PRUNE2: variants seen among roughly 807,000 people sequenced by gnomAD.
The protein encoded by PRUNE2 is protein prune homolog 2.
Under a neutral mutation model 252.0 loss-of-function variants are expected in PRUNE2, and 164 were observed. That is an observed-to-expected ratio of 0.65 (90% CI 0.57 to 0.74). The LOEUF (loss-of-function observed/expected upper bound fraction) is 0.74, where lower values mean the gene tolerates loss of function less well. Ranked by LOEUF, PRUNE2 falls within the 30% of genes least tolerant of loss-of-function variation. The pLI, the probability that PRUNE2 is intolerant of heterozygous loss-of-function variation, is 0.00. For missense variants in PRUNE2, 3,495 were observed against 3,711.0 expected, an observed-to-expected ratio of 0.94 and a Z score of 1.51; for synonymous variants, 1,292 against 1,350.2, an observed-to-expected ratio of 0.96 and a Z score of 0.94.
chr9:76,823,745 A>G lies in PRUNE2; in HGVS notation c.662-19T>C, dbSNP rs1263898472. On this transcript the variant is annotated intron_variant, in intron 5 of 18. Coordinates refer to ENST00000376718, the MANE Select transcript of PRUNE2 (RefSeq NM_015225.3). ...CTTAAACCTGTGGATGACAGGAAAAAAAAACATTATGTTATACTTGAGGGA... is the reference window on the plus strand; with the variant it reads ...CTTAAACCTGTGGATGACAGGAAAAGAAAACATTATGTTATACTTGAGGGA... 2 of 1,467,694 alleles carry G rather than the reference A, an allele frequency of 1.4e-6. No homozygotes were observed. The highest frequency in any genetic ancestry group is 1.9e-6 in the Non-Finnish European group (2 of 1,055,208). 90.9% of individuals were successfully genotyped at this position (1,467,694 alleles called of 1,614,324 possible).
At position 76,629,237 on chromosome 9, in the gene PRUNE2, C is replaced by T. The variant is rs764394022; in HGVS notation, c.9104G>A (p.Gly3035Glu). 1.1e-5 allele frequency: 18 copies of T among 1,606,478 alleles called. No homozygotes were observed. Among genetic ancestry groups the T allele is most frequent in the Admixed American group, 8.4e-5 (5 of 59,578 alleles). ...KYVNSLSELS[G>E]LIPMDCIHIP... ...GTGGATGCAATCCATTGGGATCAGC[C>T]CACTGAGTTCTGATAAGCTATTGAC... Residue 3035 changes from glycine (G) to glutamate (E), a missense_variant, in exon 16 of 19, where the codon GGG (glycine) becomes GAG (glutamate). By Grantham distance (98) the Gly-to-Glu change is moderately conservative. Transcript: ENST00000376718.
chr9:76,875,434 C>T (rs1296040855), intron 1 of PRUNE2, among the ~76,000 whole-genome samples: 3 of 152,138 alleles, frequency 2.0e-5, no homozygotes, highest in East Asian at 1.9e-4. Flanking sequence ...GGCATGATCT[C>T]GGCTCACTGC....
intron 6 of PRUNE2, among the ~76,000 whole-genome samples, chr9:76,750,864 T>C (rs1454456360): frequency 6.6e-6 from 1 of 152,144 alleles, no homozygotes; most frequent in Admixed American, 6.5e-5. Flanking sequence ...ACAAATATAA[T>C]TGGGAAGTTG....
intron 9 of PRUNE2, among the ~76,000 whole-genome samples, chr9:76,695,098 C>T (rs2045256854): frequency 2.0e-5 from 3 of 152,136 alleles, no homozygotes; most frequent in South Asian, 2.1e-4. Flanking sequence ...TGCAGTGGTA[C>T]AATCTCAGCC....
intron 1 of PRUNE2, among the ~76,000 whole-genome samples, chr9:76,883,195 A>T (rs2061891646): frequency 7.2e-5 from 11 of 152,204 alleles, no homozygotes; most frequent in Admixed American, 7.2e-4. Flanking sequence ...TTTCACAAAA[A>T]CTACATTGTC....
intron 6 of PRUNE2, among the ~76,000 whole-genome samples, chr9:76,753,996 A>T (rs1402824547): frequency 3.3e-5 from 5 of 152,088 alleles, no homozygotes; most frequent in Non-Finnish European, 7.3e-5. Flanking sequence ...GTGACTAGAC[A>T]TGGTTCAGAT....
chr9:76,905,490 C>T (rs909515125), intron 1 of PRUNE2, among the ~76,000 whole-genome samples: 3 of 152,188 alleles, frequency 2.0e-5, no homozygotes, highest in African/African-American at 7.2e-5. Context: ...TACCCAGCAC[C>T]CTGACTTCCT....
intron 16 of PRUNE2, among the ~76,000 whole-genome samples, chr9:76,627,483 C>T (rs997188338): frequency 6.6e-6 from 1 of 152,092 alleles, no homozygotes; most frequent in African/African-American, 2.4e-5. Context: ...GGCAGCAGCC[C>T]AGAGCTATGA....
intron 9 of PRUNE2, among the ~76,000 whole-genome samples, chr9:76,670,957 A>G (rs1416891368): frequency 1.3e-5 from 2 of 152,160 alleles, no homozygotes; most frequent in Non-Finnish European, 1.5e-5. Context: ...TGGGGAAAAA[A>G]CAGAACAGAA....
chr9:76,904,448 T>C (rs1048527179), intron 1 of PRUNE2, among the ~76,000 whole-genome samples: 1 of 152,210 alleles, frequency 6.6e-6, no homozygotes, highest in Non-Finnish European at 1.5e-5. Context: ...GAAAAACAGA[T>C]ACAGCCCAGA....
intron 6 of PRUNE2, among the ~76,000 whole-genome samples, chr9:76,773,724 G>A (rs1289989693): frequency 1.3e-5 from 2 of 152,166 alleles, no homozygotes; most frequent in South Asian, 2.1e-4. Context: ...GATTACAGGC[G>A]TGAGCCACCG....
chr9:76,761,104 A>G (rs576003377), intron 6 of PRUNE2, among the ~76,000 whole-genome samples: 12,805 of 149,188 alleles, frequency 0.086, 821 homozygotes, highest in East Asian at 0.38. Context: ...AAAAAAAAAA[A>G]TACTCAACAG....
At chr9:76,738,756 C>T (rs1448983675) in intron 6 of PRUNE2, 3 of 152,212 alleles carry the variant, frequency 2.0e-5, no homozygotes, top group Non-Finnish European at 4.4e-5. Flanking sequence ...GACATCATGG[C>T]TTTCATCATC....
chr9:76,774,454 T>TTTTATTTATTTATTTATTTA lies in PRUNE2; in HGVS notation c.756+49177_756+49178insTAAATAAATAAATAAATAAA, dbSNP rs1284882050. On this transcript the variant is annotated intron_variant, in intron 6 of 18. Transcript: ENST00000376718. ...TTCCTGGCCTCCAGTTCAACCCTTTTTTTTTTTTTTTTTTTTTTTTTTTGA... is the reference window on the plus strand; with the variant it reads ...TTCCTGGCCTCCAGTTCAACCCTTTTTTTATTTATTTATTTATTTATTTTTTTTTTTTTTTTTTTTTTTGA... Among the ~76,000 whole-genome samples the TTTTATTTATTTATTTATTTA allele has an allele frequency of 1.9e-3, 105 of 54,518 alleles. 1 individual carries two copies. Among genetic ancestry groups the TTTTATTTATTTATTTATTTA allele is most frequent in the African/African-American group, 0.011 (61 of 5,606 alleles). 35.8% of individuals were successfully genotyped at this position (54,518 alleles called of 152,430 possible).
At chr9:76,788,568 G>A (rs1165547802) in intron 6 of PRUNE2, 1 of 714,866 alleles carries the variant, frequency 1.4e-6, no homozygotes, top group Non-Finnish European at 2.6e-6. Context: ...CAATGACAGT[G>A]TGTGGCAAGT....
intron 6 of PRUNE2, chr9:76,740,063 C>CG (rs2049455369): frequency 7.4e-6 from 1 of 134,356 alleles, no homozygotes; most frequent in African/African-American, 2.7e-5. Flanking sequence ...TACTCTGTTT[C>CG]AAAAAAAAAA....
chr9:76,776,475 C>T (rs1272405744), intron 6 of PRUNE2, among the ~76,000 whole-genome samples: 1 of 151,030 alleles, frequency 6.6e-6, no homozygotes, highest in African/African-American at 2.4e-5. Context: ...TAGTATATCA[C>T]GGTATACATT....
chr9:76,740,589 G>T (rs1476978234), intron 6 of PRUNE2, among the ~76,000 whole-genome samples: 1 of 152,022 alleles, frequency 6.6e-6, no homozygotes, highest in African/African-American at 2.4e-5. Flanking sequence ...ATGGTGGATT[G>T]TTTGAAATTT....
chr9:76,872,210 C>T (rs2061245668), intron 1 of PRUNE2, among the ~76,000 whole-genome samples: 1 of 152,136 alleles, frequency 6.6e-6, no homozygotes, highest in African/African-American at 2.4e-5. Context: ...CACATTCAAA[C>T]CCTCCCCACC....
Sources: gnomAD v4.1 joint callset for allele counts (sites outside exome capture counted in the v4.1 genomes callset) on GRCh38, gnomAD v4.1.1 for gene constraint, MANE v1.5 for transcripts, NCBI Gene and HGNC (gene_info 2026-07-23, HGNC 2026-07-21) for gene names.